SYTL5: variants seen among roughly 807,000 people sequenced by gnomAD.
The protein encoded by SYTL5 is synaptotagmin like 5.
Under a neutral mutation model 55.9 loss-of-function variants are expected in SYTL5, and 34 were observed. That is an observed-to-expected ratio of 0.61 (90% CI 0.46 to 0.81). The LOEUF (loss-of-function observed/expected upper bound fraction) is 0.81, where lower values mean the gene tolerates loss of function less well. Ranked by LOEUF, SYTL5 falls within the 30% of genes least tolerant of loss-of-function variation. SYTL5 has a pLI of 0.00. For missense variants in SYTL5, 637 were observed against 546.7 expected, an observed-to-expected ratio of 1.17 and a Z score of -1.65; for synonymous variants, 221 against 188.7, an observed-to-expected ratio of 1.17 and a Z score of -1.40.
intron 13 of SYTL5, among the ~76,000 whole-genome samples, chrX:38,118,754 G>T (rs761647147): frequency 9.1e-6 from 1 of 109,762 alleles, no homozygotes; most frequent in African/African-American, 3.3e-5. Flanking sequence ...TATCAAACCA[G>T]GTTTTGCTTA....
chrX:37,910,764 C>T, the SYTL5 span, among the ~76,000 whole-genome samples: 1 of 111,756 alleles, frequency 8.9e-6, no homozygotes, highest in Non-Finnish European at 1.9e-5. Flanking sequence ...CCCAGAATTT[C>T]TGATTCCATA....
Position 38,110,321 on chromosome X carries a change from T to C in SYTL5, c.1435T>C (p.Tyr479His). The C allele has an allele frequency of 8.3e-7, 1 of 1,197,993 alleles. No homozygotes were observed. Among genetic ancestry groups the C allele is most frequent in the Non-Finnish European group, 1.1e-6 (1 of 888,014 alleles). The change falls in exon 13 of 17, where the codon TAC becomes CAC. Residue 479 changes from tyrosine to histidine, a missense_variant and splice_region_variant. Physicochemically the swap from Tyr to His is moderately conservative, Grantham distance 83. Coordinates refer to ENST00000297875, the MANE Select transcript of SYTL5 (RefSeq NM_138780.3). The part of the protein sequence containing the change: ...TNPEFNETLK[Y>H]TISHTQLETR... ...GTAATGTTGTAAATCTCATTCGCAG[T>C]ACACTATCAGCCATACCCAGCTGGA... is the stretch of plus-strand genomic sequence containing the variant.
the SYTL5 span, among the ~76,000 whole-genome samples, chrX:37,934,368 T>G: frequency 9.1e-6 from 1 of 109,307 alleles, no homozygotes; most frequent in South Asian, 4.0e-4. Flanking sequence ...AGATAAAGTA[T>G]TTAAAAAGAA....
chrX:37,908,195 A>C, the SYTL5 span, among the ~76,000 whole-genome samples: 1 of 111,137 alleles, frequency 9.0e-6, no homozygotes, highest in Non-Finnish European at 1.9e-5. Flanking sequence ...GTGACCCAAC[A>C]ATATCAGGGT....
At chrX:38,021,330 A>G (rs966377115) in intron 1 of SYTL5, among the ~76,000 whole-genome samples, 1 of 111,742 alleles carries the variant, frequency 8.9e-6, no homozygotes, top group South Asian at 3.7e-4. Flanking sequence ...GTGAGGGGCT[A>G]TATTCCAATT....
chrX:37,941,169 G>C, the SYTL5 span, among the ~76,000 whole-genome samples: 6 of 111,864 alleles, frequency 5.4e-5, no homozygotes, highest in South Asian at 3.8e-4. Flanking sequence ...ATAAGGACAA[G>C]TAAAATGCAT....
rs759376186 is a variant in SYTL5, at chrX:38,049,364, C to T, written c.120-4849C>T. 2.3e-3 allele frequency among the ~76,000 whole-genome samples: 262 copies of T among 111,754 alleles called. 1 individual carries two copies. The highest frequency in any genetic ancestry group is 9.3e-3 in the Middle Eastern group (2 of 216). ...GCGGGTGACAGAGACACATTATAAT[C>T]ATGACTTAAAATGGGAACATATTCC... On this transcript the variant is annotated intron_variant, in intron 2 of 16. Coordinates refer to ENST00000297875, the MANE Select transcript of SYTL5 (RefSeq NM_138780.3).
At chrX:38,078,653 A>T (rs896605837) in intron 6 of SYTL5, among the ~76,000 whole-genome samples, 2 of 112,330 alleles carry the variant, frequency 1.8e-5, no homozygotes, top group Admixed American at 1.9e-4. Context: ...ACTCAACAAG[A>T]ATAATAGGGA....
chrX:38,002,709 GTTGT>G (rs1419394908), upstream of SYTL5, among the ~76,000 whole-genome samples: 8 of 111,842 alleles, frequency 7.2e-5, no homozygotes, highest in Admixed American at 4.7e-4. Context: ...TTTTGATGGG[GTTGT>G]TTGTCTTTTT....
rs1382417448 is a variant in SYTL5, at chrX:38,040,129, G to T, written c.119+6121G>T. Among the ~76,000 whole-genome samples, 11 of 108,330 alleles carry T rather than the reference G, an allele frequency of 1.0e-4. No individual in the cohort carries two copies. The Admixed American group carries it at 1.1e-3, about 11-fold the overall frequency. The allele number at this position is 108,330 out of a possible 115,157, so 94.1% of individuals were successfully genotyped here. ...GTGGAGGTTGCAGTGAGCCGAGGTCGCACCACTGCACTCCAACCTGGGCGA... is the reference window on the plus strand; with the variant it reads ...GTGGAGGTTGCAGTGAGCCGAGGTCTCACCACTGCACTCCAACCTGGGCGA... On this transcript the variant is annotated intron_variant, in intron 2 of 16. Transcript: ENST00000297875.
intron 3 of SYTL5, among the ~76,000 whole-genome samples, chrX:38,065,955 C>T (rs760634893): frequency 9.9e-4 from 109 of 110,447 alleles, no homozygotes; most frequent in Middle Eastern, 9.4e-3. Context: ...CAAAAATTAG[C>T]CGGGTGTGAT....
At chrX:37,963,427 T>A in the SYTL5 span, among the ~76,000 whole-genome samples, 1 of 110,003 alleles carries the variant, frequency 9.1e-6, no homozygotes, top group Non-Finnish European at 1.9e-5. Context: ...TAGCTGGGAC[T>A]ACAGGCATGT....
chrX:38,122,260 G>A (rs1437240215), intron 15 of SYTL5, 45 bp downstream of exon 15: 2 of 1,132,276 alleles, frequency 1.8e-6, no homozygotes, highest in East Asian at 6.1e-5. Flanking sequence ...AATAGGAGAT[G>A]AAAGGATCTG....
In SYTL5 at chrX:38,106,707, T is replaced by G. The variant is rs759982076; in HGVS notation, c.1270T>G (p.Tyr424Asp). 1.7e-6 allele frequency: 2 copies of G among 1,206,756 alleles called. No homozygotes were observed. Among genetic ancestry groups the G allele is most frequent in the Admixed American group, 2.2e-5 (1 of 45,139 alleles). ...CTACTGCTACAAAACTGGTGGGCTG[T>G]ACATTTTTGTCAAGAATTGCAGAAA... The part of the protein sequence containing the change: ...ISYCYKTGGL[Y>D]IFVKNCRNLA... The change falls in exon 11 of 17, where the codon TAC (tyrosine) becomes GAC (aspartate). Residue 424 changes from tyrosine (Y) to aspartate (D), a missense_variant. Tyr to Asp is a radical substitution (Grantham distance 160). Transcript: ENST00000297875.
the SYTL5 span, among the ~76,000 whole-genome samples, chrX:37,974,304 A>C: frequency 8.9e-6 from 1 of 112,474 alleles, no homozygotes; most frequent in Non-Finnish European, 1.9e-5. Flanking sequence ...AACCTTGAAA[A>C]CATTATCGTA....
chrX:37,999,958 T>A, the SYTL5 span, among the ~76,000 whole-genome samples: 3 of 111,755 alleles, frequency 2.7e-5, no homozygotes, highest in Non-Finnish European at 1.9e-5. Flanking sequence ...CTTAATGTTC[T>A]CTTCTGGGAA....
Position 38,127,767 on chromosome X carries a change from T to C in SYTL5, c.*1037T>C. The C allele has an allele frequency of 1.8e-5, 2 of 112,396 alleles. No homozygotes were observed. Among genetic ancestry groups the C allele is most frequent in the Middle Eastern group, 4.5e-3 (1 of 221 alleles). The allele number at this position is 112,396 out of a possible 1,213,427, so 9.3% of individuals were successfully genotyped here. Reference sequence around the variant, plus strand: ...ATGACCATCCTTTTTCTCACAGTTATGAAGATTGGCTATGGCACCTCTGCT... The same window carrying C: ...ATGACCATCCTTTTTCTCACAGTTACGAAGATTGGCTATGGCACCTCTGCT... On this transcript the variant is annotated 3_prime_UTR_variant, in exon 17 of 17. Coordinates refer to ENST00000297875, the MANE Select transcript of SYTL5 (RefSeq NM_138780.3).
At chrX:38,009,373 T>G (rs1410285429) in intron 1 of SYTL5, among the ~76,000 whole-genome samples, 1 of 112,280 alleles carries the variant, frequency 8.9e-6, no homozygotes, top group Non-Finnish European at 1.9e-5. Flanking sequence ...ACATTCATCA[T>G]GATTGTAGCC....
Position 38,101,434 on chromosome X carries a change from T to C in SYTL5, c.1063-908T>C, listed in dbSNP as rs1351151940. 3.6e-5 allele frequency among the ~76,000 whole-genome samples: 4 copies of C among 111,371 alleles called. No individual in the cohort carries two copies. The Admixed American group carries it at 3.8e-4, about 11-fold the overall frequency. On this transcript the variant is annotated intron_variant, in intron 9 of 16. Coordinates refer to ENST00000297875, the MANE Select transcript of SYTL5 (RefSeq NM_138780.3). ...AAAACTATAGTTAAAAAAATTCCCA[T>C]GAATGTATACTTATACTCAGATTTG...
Sources: allele counts gnomAD v4.1 joint callset (sites outside exome capture counted in the v4.1 genomes callset), GRCh38; gene constraint gnomAD v4.1.1; transcripts MANE v1.5; gene names NCBI Gene and HGNC (gene_info 2026-07-23, HGNC 2026-07-21).